The following NRXN1 variants were observed in gnomAD, a reference collection of about 807,000 sequenced individuals.
NRXN1 encodes neurexin 1, also known as neurexin-1.
In NRXN1, 39 loss-of-function variants were observed where a neutral mutation model predicts 150.9. That is an observed-to-expected ratio of 0.26 (90% CI 0.20 to 0.34). NRXN1 has a LOEUF of 0.34. Among genes scored for constraint, NRXN1 ranks in the 10% least tolerant of loss-of-function variants. The pLI, the probability that NRXN1 is intolerant of heterozygous loss-of-function variation, is 1.00. For missense variants in NRXN1, 1,815 were observed against 1,949.9 expected (o/e 0.93, Z 1.30); for synonymous variants, 924 against 757.0 (o/e 1.22, Z -3.62).
At chr2:50,192,610 TG>T (rs1225297252) in intron 18 of NRXN1, among the ~76,000 whole-genome samples, 4 of 119,364 alleles carry the variant, frequency 3.4e-5, no homozygotes, top group African/African-American at 1.2e-4. Flanking sequence ...TACTTTTTTT[TG>T]GGGGGGGCGG....
chr2:50,219,993 AATATATAT>A (rs1442744543), intron 18 of NRXN1, among the ~76,000 whole-genome samples: 1 of 34,194 alleles, frequency 2.9e-5, no homozygotes, highest in Non-Finnish European at 5.3e-5. Context: ...TATTATATAT[AATATATAT>A]TATATAATAT....
intron 5 of NRXN1, among the ~76,000 whole-genome samples, chr2:50,655,129 A>G (rs1164797394): frequency 6.6e-6 from 1 of 151,956 alleles, no homozygotes; most frequent in African/African-American, 2.4e-5. Flanking sequence ...GAGTGTGATT[A>G]AATGGTAAAT....
At position 49,995,762 on chromosome 2, in the gene NRXN1, C is replaced by T. The variant is rs1223677247; in HGVS notation, c.4129-51971G>A. ...CATCACTGCAATCCAGCCTGAGCGA[C>T]AGAGCGAGACTCCGTCTCAAAAAAA... On this transcript the variant is annotated intron_variant, in intron 21 of 22. Transcript: ENST00000401669. Among the ~76,000 whole-genome samples, 18 of 106,996 alleles carry T rather than the reference C, an allele frequency of 1.7e-4. No homozygotes were observed. The Middle Eastern group carries it at 0.047, about 276-fold the overall frequency. 70.2% of individuals were successfully genotyped at this position (106,996 alleles called of 152,430 possible). A position where few individuals can be genotyped will look rare whatever the true frequency, so the allele number is the denominator to read the frequency against.
chr2:50,573,686 A>C lies in NRXN1; in HGVS notation c.1321-20661T>G, dbSNP rs148322622. On this transcript the variant is annotated intron_variant, in intron 8 of 22. Transcript: ENST00000401669. ...TGAGTAGTTTCAAAATATGTGATGG[A>C]GAATTTGAAAATCTGCGCTTATAGA... 1.5e-4 allele frequency among the ~76,000 whole-genome samples: 23 copies of C among 151,842 alleles called. No homozygotes were observed. In the East Asian group the frequency reaches 4.3e-3, roughly 28 times the overall value.
rs533738779 is a variant in NRXN1 at position 50,726,354 on chromosome 2, G to A, written c.833-102739C>T. On this transcript the variant is annotated intron_variant, in intron 5 of 22. Coordinates refer to ENST00000401669, the MANE Select transcript of NRXN1 (RefSeq NM_001330078.2). Reference sequence around the variant, plus strand: ...CCTTATTTATTATATGGAAATAATAGTAATAACCTTAGCTGCGCGTGGTGG... The same window carrying A: ...CCTTATTTATTATATGGAAATAATAATAATAACCTTAGCTGCGCGTGGTGG... 5.3e-5 allele frequency among the ~76,000 whole-genome samples: 8 copies of A among 152,258 alleles called. No homozygotes were observed. In the South Asian group the frequency reaches 1.7e-3, roughly 32 times the overall value.
intron 5 of NRXN1, among the ~76,000 whole-genome samples, chr2:50,911,589 G>T (rs567200816): frequency 2.0e-5 from 3 of 151,754 alleles, no homozygotes; most frequent in Non-Finnish European, 4.4e-5. Context: ...AGAAAAAAGG[G>T]TCATTATCAT....
chr2:50,392,957 T>G (rs966109637), intron 17 of NRXN1, among the ~76,000 whole-genome samples: 4 of 152,030 alleles, frequency 2.6e-5, no homozygotes, highest in African/African-American at 9.7e-5. Flanking sequence ...TCAACAGATT[T>G]TACTTTAAAT....
intron 3 of NRXN1, among the ~76,000 whole-genome samples, chr2:50,923,034 C>T (rs1686306873): frequency 6.6e-6 from 1 of 151,748 alleles, no homozygotes. Context: ...CATATTGCCC[C>T]CACAGGGCTT....
chr2:50,723,855 G>C (rs35708158), intron 5 of NRXN1, among the ~76,000 whole-genome samples: 7 of 152,086 alleles, frequency 4.6e-5, no homozygotes, highest in Non-Finnish European at 7.4e-5. Flanking sequence ...GTTTGTGTGC[G>C]TGTGTGTGTT....
chr2:50,445,054 C>A (rs2086281006), intron 17 of NRXN1, among the ~76,000 whole-genome samples: 1 of 152,078 alleles, frequency 6.6e-6, no homozygotes, highest in Non-Finnish European at 1.5e-5. Flanking sequence ...GTTCCTGCTG[C>A]CATAATAAAA....
intron 2 of NRXN1, among the ~76,000 whole-genome samples, chr2:50,977,105 G>C (rs561212978): frequency 2.0e-5 from 3 of 151,918 alleles, no homozygotes; most frequent in Non-Finnish European, 4.4e-5. Context: ...ATAGTAATTT[G>C]TGAAGTTCAA....
intron 5 of NRXN1, among the ~76,000 whole-genome samples, chr2:50,645,215 T>C (rs1399710959): frequency 3.3e-5 from 5 of 151,896 alleles, no homozygotes; most frequent in African/African-American, 9.7e-5. Context: ...CTGATTTTGA[T>C]GTTGAAAATC....
chr2:50,094,750 A>G (rs1420592594), intron 18 of NRXN1, among the ~76,000 whole-genome samples: 1 of 148,274 alleles, frequency 6.7e-6, no homozygotes, highest in Admixed American at 7.0e-5. Context: ...GTGGTGAAGA[A>G]AACTGAGAAA....
chr2:50,185,697 A>G (rs2152816263), intron 18 of NRXN1: 1 of 152,184 alleles, frequency 6.6e-6, no homozygotes, highest in African/African-American at 2.4e-5. Context: ...GCATCCTTGA[A>G]TCATCACAGG....
intron 5 of NRXN1, among the ~76,000 whole-genome samples, chr2:50,754,863 T>C (rs184580926): frequency 1.9e-4 from 29 of 152,024 alleles, no homozygotes; most frequent in African/African-American, 5.8e-4. Context: ...AAACTAGAAT[T>C]TATTTTCTAC....
rs1668214085 is a variant in NRXN1, at chr2:49,921,624, T to C, written c.*320A>G. 3.3e-6 allele frequency: 1 copy of C among 298,574 alleles called. No homozygotes were observed. Among genetic ancestry groups the C allele is most frequent in the Non-Finnish European group, 6.3e-6 (1 of 158,412 alleles). 18.5% of individuals were successfully genotyped at this position (298,574 alleles called of 1,614,324 possible). On this transcript the variant is annotated 3_prime_UTR_variant, in exon 23 of 23. Coordinates refer to ENST00000401669, the MANE Select transcript of NRXN1 (RefSeq NM_001330078.2). Reference sequence around the variant, plus strand: ...TTTGTGTTGTGCCTTGATGCTGTAGTACTCCTTTGCTTTATGAATGCGTGC... The same window carrying C: ...TTTGTGTTGTGCCTTGATGCTGTAGCACTCCTTTGCTTTATGAATGCGTGC...
chr2:50,175,303 C>T (rs79682120), intron 18 of NRXN1: 25,781 of 152,076 alleles, frequency 0.17, 2,640 homozygotes, highest in East Asian at 0.39. Context: ...ACAACTGATA[C>T]ATCTGCACAA....
intron 17 of NRXN1, among the ~76,000 whole-genome samples, chr2:50,403,367 T>A (rs1423822936): frequency 2.0e-5 from 3 of 152,102 alleles, no homozygotes; most frequent in African/African-American, 4.8e-5. Context: ...AAATAAGGAA[T>A]CTTAGATTTC....
chr2:50,636,873 T>C (rs1393217347), intron 5 of NRXN1, among the ~76,000 whole-genome samples: 2 of 152,206 alleles, frequency 1.3e-5, no homozygotes, highest in Non-Finnish European at 2.9e-5. Flanking sequence ...CTTCATATAA[T>C]TGCAAATATA....
Sources: gnomAD v4.1 joint callset for allele counts (sites outside exome capture counted in the v4.1 genomes callset) on GRCh38, gnomAD v4.1.1 for gene constraint, MANE v1.5 for transcripts, NCBI Gene and HGNC (gene_info 2026-07-23, HGNC 2026-07-21) for gene names.